Variants in GPR107 observed in about 807,000 individuals in gnomAD.
GPR107 encodes protein GPR107.
Under a neutral mutation model 75.5 loss-of-function variants are expected in GPR107, and 31 were observed. The ratio of observed to expected loss-of-function variants is 0.41; its 90% CI spans 0.31 to 0.55. The LOEUF (loss-of-function observed/expected upper bound fraction) is 0.55. GPR107 is among the 20% of genes least tolerant of loss of function. The pLI is 0.26. For missense variants in GPR107, 572 were observed against 665.7 expected (o/e 0.86, Z 1.55); for synonymous variants, 267 against 251.3 (o/e 1.06, Z -0.59).
intron 5 of GPR107, among the ~76,000 whole-genome samples, chr9:130,081,111 G>T (rs1830485752): frequency 1.3e-5 from 2 of 152,162 alleles, no homozygotes; most frequent in South Asian, 4.1e-4. Flanking sequence ...CTCCTCAAGA[G>T]ACTGAGGCAG....
chr9:130,104,376 G>A, intron 12 of GPR107, 44 bp from the exon 13 acceptor site: 1 of 1,600,686 alleles, frequency 6.2e-7, no homozygotes, highest in Non-Finnish European at 8.6e-7. Flanking sequence ...CATCATAACA[G>A]TCCACCCATG....
intron 15 of GPR107, among the ~76,000 whole-genome samples, chr9:130,126,056 CAA>C (rs569390895): frequency 6.2e-5 from 7 of 113,418 alleles, no homozygotes; most frequent in Admixed American, 9.3e-5. Context: ...GACTCTGTCT[CAA>C]AAAAAAAAAA....
At chr9:130,093,399 A>G (rs1474014794) in intron 9 of GPR107, among the ~76,000 whole-genome samples, 2 of 152,208 alleles carry the variant, frequency 1.3e-5, no homozygotes, top group Non-Finnish European at 1.5e-5. Flanking sequence ...CGAATATGCT[A>G]TTATAATATG....
intron 1 of GPR107, among the ~76,000 whole-genome samples, chr9:130,066,684 G>A (rs1249084946): frequency 6.6e-6 from 1 of 152,082 alleles, no homozygotes; most frequent in East Asian, 1.9e-4. Context: ...TGTCTTGGGA[G>A]TGTAGAAAAG....
At chr9:130,117,262 AT>A (rs11349512) in intron 14 of GPR107, among the ~76,000 whole-genome samples, 84,410 of 151,852 alleles carry the variant, frequency 0.56, 23,484 homozygotes, top group East Asian at 0.79. Context: ...TGTATTTTCG[AT>A]TCATTTTCAC....
At chr9:130,079,420 C>T (rs1830439086) in intron 4 of GPR107, among the ~76,000 whole-genome samples, 1 of 152,256 alleles carries the variant, frequency 6.6e-6, no homozygotes, top group Non-Finnish European at 1.5e-5. Context: ...CCTGGATCCT[C>T]GTCCAACTAC....
rs1182117135 is a variant in GPR107 at position 130,136,712 on chromosome 9, A to G, written c.*1591A>G. The G allele has an allele frequency of 6.6e-6, 1 of 152,212 alleles. No individual in the cohort carries two copies. Among genetic ancestry groups the G allele is most frequent in the African/African-American group, 2.4e-5 (1 of 41,444 alleles). 9.4% of individuals were successfully genotyped at this position (152,212 alleles called of 1,614,324 possible). ...TGCTATCTTATCTTCCTAAATGACT[A>G]ATGAGGAAGCGGGTGTTCTTTTTCT... On this transcript the variant is annotated 3_prime_UTR_variant, in exon 18 of 18. Transcript: ENST00000347136.
At chr9:130,133,455 T>C (rs1441381364) in intron 17 of GPR107, among the ~76,000 whole-genome samples, 1 of 152,214 alleles carries the variant, frequency 6.6e-6, no homozygotes, top group Non-Finnish European at 1.5e-5. Flanking sequence ...GTCGCATTTC[T>C]TTGTGGTCTC....
chr9:130,133,268 A>G (rs1554899462), intron 17 of GPR107: 2 of 152,240 alleles, frequency 1.3e-5, no homozygotes, highest in African/African-American at 4.8e-5. Context: ...ATTTTCTTAG[A>G]GAAAGAAAGG....
chr9:130,127,125 T>C (rs1831708844), intron 15 of GPR107, among the ~76,000 whole-genome samples: 1 of 152,236 alleles, frequency 6.6e-6, no homozygotes, highest in South Asian at 2.1e-4. Flanking sequence ...TACTGGTAAA[T>C]ATTCCTCAAA....
At chr9:130,095,528 G>A (rs1830843889) in intron 9 of GPR107, among the ~76,000 whole-genome samples, 1 of 152,092 alleles carries the variant, frequency 6.6e-6, no homozygotes, top group South Asian at 2.1e-4. Flanking sequence ...CCAAGTAGCT[G>A]GGACTACAGG....
intron 3 of GPR107, 97 bp from the exon 4 acceptor site, chr9:130,077,202 G>C: frequency 1.3e-6 from 1 of 750,510 alleles, no homozygotes; most frequent in South Asian, 1.5e-5. Flanking sequence ...TATTTTGAAT[G>C]GAGTTTGAGC....
chr9:130,075,726 G>A lies in GPR107; in HGVS notation c.232G>A (p.Glu78Lys). The A allele has an allele frequency of 1.9e-6, 3 of 1,572,512 alleles. No homozygotes were observed. The highest frequency in any genetic ancestry group is 1.8e-6 in the Non-Finnish European group (2 of 1,142,284). The change falls in exon 2 of 18, where the codon GAG becomes AAG. Residue 78 changes from glutamate to lysine, a missense_variant. Glu to Lys is a moderately conservative substitution (Grantham distance 56, BLOSUM62 1). Transcript: ENST00000347136. ...VVNVSSLSLN[E>K]PEDKDVTIGF... ...GAATGTCAGTAGCCTCTCACTGAAT[G>A]AGCCTGAAGACAAGGATGTGACTGT...
intron 9 of GPR107, among the ~76,000 whole-genome samples, chr9:130,096,170 G>A (rs924557184): frequency 5.3e-5 from 8 of 152,210 alleles, no homozygotes; most frequent in African/African-American, 1.9e-4. Context: ...GTGTGAATGA[G>A]CACAGCTCTT....
In GPR107 at chr9:130,135,576, G is replaced by A. The variant is rs565117713; in HGVS notation, c.*455G>A. 5.9e-4 allele frequency: 91 copies of A among 154,766 alleles called. No homozygotes were observed. Among genetic ancestry groups the A allele is most frequent in the Middle Eastern group, 3.4e-3 (1 of 296 alleles). 9.6% of individuals were successfully genotyped at this position (154,766 alleles called of 1,614,324 possible). A position where few individuals can be genotyped will look rare whatever the true frequency, so the allele number is the denominator to read the frequency against. On this transcript the variant is annotated 3_prime_UTR_variant, in exon 18 of 18. Coordinates refer to ENST00000347136, the MANE Select transcript of GPR107 (RefSeq NM_020960.5). ...GACCCTGGGACTTAAGAAGAAGGGC[G>A]GGGAGAGTGCCATTGCCTGTTTGGG...
intron 6 of GPR107, among the ~76,000 whole-genome samples, chr9:130,083,951 T>C (rs1469635137): frequency 6.6e-6 from 1 of 151,754 alleles, no homozygotes; most frequent in African/African-American, 2.4e-5. Context: ...ATTTATGTTA[T>C]TTATTACTAT....
intron 14 of GPR107, chr9:130,120,876 T>C (rs1040033082): frequency 2.8e-4 from 1 of 3,632 alleles, no homozygotes; most frequent in Non-Finnish European, 5.1e-4. Flanking sequence ...CTTGTTCTGC[T>C]CTTTCCCTTC....
chr9:130,094,722 C>G (rs1830823600), intron 9 of GPR107, among the ~76,000 whole-genome samples: 1 of 151,622 alleles, frequency 6.6e-6, no homozygotes, highest in Admixed American at 6.6e-5. Context: ...GCTCTGTCGC[C>G]CAGGCTGGAG....
At chr9:130,071,067 A>T (rs556226547) in intron 1 of GPR107, among the ~76,000 whole-genome samples, 1 of 104,110 alleles carries the variant, frequency 9.6e-6, no homozygotes, top group African/African-American at 3.8e-5. Flanking sequence ...ACAGAGTCAC[A>T]CTCTGTGGCG....
Sources: allele counts gnomAD v4.1 joint callset (sites outside exome capture counted in the v4.1 genomes callset), GRCh38; gene constraint gnomAD v4.1.1; transcripts MANE v1.5; gene names NCBI Gene and HGNC (gene_info 2026-07-23, HGNC 2026-07-21).